RAB27A: variants seen among roughly 807,000 people sequenced by gnomAD.
RAB27A encodes the protein ras-related protein Rab-27A.
In RAB27A, 17 loss-of-function variants were observed where a neutral mutation model predicts 20.8. The ratio of observed to expected loss-of-function variants is 0.82; its 90% confidence interval spans 0.56 to 1.23. RAB27A has a LOEUF of 1.23. RAB27A is among the 50% of genes most tolerant of loss of function. The pLI is 0.00. For synonymous variants in RAB27A, 85 were observed against 92.8 expected (o/e 0.92, Z 0.48); for missense variants, 277 against 266.7 (o/e 1.04, Z -0.27).
chr15:55,285,241 T>C (rs771958302), intron 1 of RAB27A, among the ~76,000 whole-genome samples: 4 of 149,058 alleles, frequency 2.7e-5, no homozygotes, highest in Admixed American at 1.3e-4. Flanking sequence ...ACACGGGAGG[T>C]TGGCTGACTA....
intron 2 of RAB27A, among the ~76,000 whole-genome samples, chr15:55,298,475 C>T (rs1347060728): frequency 6.6e-6 from 1 of 152,128 alleles, no homozygotes; most frequent in Non-Finnish European, 1.5e-5. Flanking sequence ...GGGTCACAGA[C>T]ATCAAGTACT....
At chr15:55,292,545 G>C (rs1392829438), upstream of RAB27A, among the ~76,000 whole-genome samples, 1 of 152,222 alleles carries the variant, frequency 6.6e-6, no homozygotes, top group African/African-American at 2.4e-5. Flanking sequence ...AAGAGGACTG[G>C]GATGTAGGGG....
At chr15:55,312,040 G>C (rs984147448) in intron 2 of RAB27A, among the ~76,000 whole-genome samples, 1 of 152,190 alleles carries the variant, frequency 6.6e-6, no homozygotes, top group Non-Finnish European at 1.5e-5. Context: ...AGAAGCCGTG[G>C]GTCACGGAAG....
At chr15:55,243,649 C>T (rs74673636) in intron 2 of RAB27A, among the ~76,000 whole-genome samples, 4,384 of 151,568 alleles carry the variant, frequency 0.029, 230 homozygotes, top group African/African-American at 0.1. Flanking sequence ...ACATTATTTT[C>T]TCTGACATCA....
intron 1 of RAB27A, among the ~76,000 whole-genome samples, chr15:55,281,069 T>C (rs1898004119): frequency 1.3e-5 from 2 of 152,214 alleles, no homozygotes; most frequent in Non-Finnish European, 2.9e-5. Context: ...TCTAGATCCT[T>C]GAGGAATCGC....
intron 2 of RAB27A, among the ~76,000 whole-genome samples, chr15:55,308,453 T>A (rs2055007216): frequency 6.6e-6 from 1 of 152,242 alleles, no homozygotes; most frequent in African/African-American, 2.4e-5. Context: ...TGAGCACTAG[T>A]TCCCGGAGTG....
intron 6 of RAB27A, among the ~76,000 whole-genome samples, chr15:55,222,185 A>G (rs1895602370): frequency 6.6e-6 from 1 of 152,170 alleles, no homozygotes; most frequent in African/African-American, 2.4e-5. Flanking sequence ...AGACATGAGA[A>G]TGTGTTAAAA....
In RAB27A at chr15:55,205,500, T is replaced by C. The variant is rs781034717; in HGVS notation, c.*7A>G. 1.2e-6 allele frequency: 2 copies of C among 1,613,660 alleles called. No homozygotes were observed. The highest frequency in any genetic ancestry group is 2.7e-5 in the African/African-American group (2 of 74,906). On this transcript the variant is annotated 3_prime_UTR_variant, in exon 7 of 7. Coordinates refer to ENST00000336787, the MANE Select transcript of RAB27A (RefSeq NM_183235.3). The stretch of plus-strand genomic sequence containing the variant: ...CACCTGAACTACTATGTCGCTTACT[T>C]GACTTCTCAACAGCCACATGCCCCT...
intron 2 of RAB27A, among the ~76,000 whole-genome samples, chr15:55,251,699 T>C (rs1156407187): frequency 6.6e-6 from 1 of 152,218 alleles, no homozygotes; most frequent in East Asian, 1.9e-4. Context: ...AGCCACTTTA[T>C]ACTAAATTAT....
chr15:55,238,187 T>C (rs1448736460), intron 2 of RAB27A: 1 of 152,140 alleles, frequency 6.6e-6, no homozygotes, highest in Non-Finnish European at 1.5e-5. Flanking sequence ...TGTTCAGACC[T>C]TCCACTCTCT....
intron 2 of RAB27A, among the ~76,000 whole-genome samples, chr15:55,302,356 G>A (rs951971347): frequency 5.3e-5 from 8 of 152,014 alleles, no homozygotes; most frequent in East Asian, 2.0e-4. Context: ...GATTGCAGAC[G>A]GAGTCTCGTT....
chr15:55,249,065 G>C (rs899862313), intron 2 of RAB27A: 2 of 152,086 alleles, frequency 1.3e-5, no homozygotes, highest in Non-Finnish European at 2.9e-5. Context: ...ATTTCTATCA[G>C]CAGCTGTTTA....
At chr15:55,291,054 A>G (rs1478719984), upstream of RAB27A, among the ~76,000 whole-genome samples, 1 of 152,246 alleles carries the variant, frequency 6.6e-6, no homozygotes, top group African/African-American at 2.4e-5. Flanking sequence ...GATGAACCAT[A>G]TGAAATTACA....
intron 6 of RAB27A, among the ~76,000 whole-genome samples, chr15:55,216,142 G>T (rs901008242): frequency 1.3e-5 from 2 of 152,080 alleles, no homozygotes; most frequent in African/African-American, 4.8e-5. Flanking sequence ...AAAGCACTTA[G>T]ATCAGAACCT....
At position 55,209,777 on chromosome 15, in the gene RAB27A, T is replaced by C. The variant is rs1280531744; in HGVS notation, c.468-4072A>G. 4.7e-5 allele frequency among the ~76,000 whole-genome samples: 6 copies of C among 127,802 alleles called. No individual in the cohort carries two copies. In the East Asian group the frequency reaches 8.2e-4, roughly 17 times the overall value. 83.8% of individuals were successfully genotyped at this position (127,802 alleles called of 152,430 possible). A position where few individuals can be genotyped will look rare whatever the true frequency, so the allele number is the denominator to read the frequency against. ...GTGTATGTGTGTACATATACATATA[T>C]ACACACATATGTGTGTATGTATACA... On this transcript the variant is annotated intron_variant, in intron 6 of 6. Coordinates refer to ENST00000336787, the MANE Select transcript of RAB27A (RefSeq NM_183235.3).
At chr15:55,207,321 T>C (rs1894700221) in intron 6 of RAB27A, among the ~76,000 whole-genome samples, 1 of 152,202 alleles carries the variant, frequency 6.6e-6, no homozygotes, top group African/African-American at 2.4e-5. Context: ...CCAAGGCATG[T>C]TGATGGGCAG....
intron 6 of RAB27A, among the ~76,000 whole-genome samples, chr15:55,216,415 C>G (rs1450375297): frequency 6.6e-6 from 1 of 151,958 alleles, no homozygotes; most frequent in African/African-American, 2.4e-5. Flanking sequence ...TGCCTGTAGT[C>G]CCAGCTACTA....
chr15:55,303,623 C>T (rs1241618801), intron 2 of RAB27A, among the ~76,000 whole-genome samples: 1 of 107,306 alleles, frequency 9.3e-6, no homozygotes, highest in Non-Finnish European at 1.9e-5. Context: ...GGGGTCGGCC[C>T]CCCGCCCGGC....
intron 2 of RAB27A, among the ~76,000 whole-genome samples, chr15:55,238,841 T>C (rs12148498): frequency 0.034 from 4,889 of 141,716 alleles, 125 homozygotes; most frequent in Middle Eastern, 0.13. Flanking sequence ...AGAGTTCTGA[T>C]CAACTTAAAA....
Sources: gnomAD v4.1 joint callset for allele counts (sites outside exome capture counted in the v4.1 genomes callset) on GRCh38, gnomAD v4.1.1 for gene constraint, MANE v1.5 for transcripts, NCBI Gene and HGNC (gene_info 2026-07-23, HGNC 2026-07-21) for gene names.